The following POM121C variants were observed in gnomAD, a reference collection of about 807,000 sequenced individuals.
POM121C encodes the protein POM121 transmembrane nucleoporin C.
POM121C carries 20 observed loss-of-function variants against 66.4 expected under a neutral mutation model. The ratio of observed to expected loss-of-function variants is 0.30; its 90% CI spans 0.21 to 0.44. POM121C has a LOEUF of 0.44. POM121C is among the 20% of genes least tolerant of loss of function. The probability of loss-of-function intolerance (pLI) is 1.00; values close to 1 mark genes in which losing one functional copy is unlikely to be tolerated. For synonymous variants in POM121C, 286 were observed against 528.0 expected, an observed-to-expected ratio of 0.54 and a Z score of 6.28; for missense variants, 580 against 1,225.7, an observed-to-expected ratio of 0.47 and a Z score of 7.87.
intron 7 of POM121C, among the ~76,000 whole-genome samples, chr7:75,427,269 C>CA (rs1281307629): frequency 1.4e-5 from 2 of 146,288 alleles, no homozygotes; most frequent in African/African-American, 2.5e-5. Context: ...ACTAAAAATA[C>CA]AAAAAAATAC....
chr7:75,472,572 T>C (rs28545500), intron 3 of POM121C, among the ~76,000 whole-genome samples: 1 of 151,840 alleles, frequency 6.6e-6, no homozygotes, highest in Non-Finnish European at 1.5e-5. Context: ...TTTGAGAGGC[T>C]GAGGCAGGTG....
intron 1 of POM121C, among the ~76,000 whole-genome samples, chr7:75,479,617 AAATAAATAAAT>A (rs1792233922): frequency 4.1e-4 from 15 of 36,412 alleles, no homozygotes; most frequent in Non-Finnish European, 8.9e-4. Context: ...CTCTGTCTCT[AAATAAATAAAT>A]AAATAAATAA....
chr7:75,460,765 G>A (rs1554476898), intron 3 of POM121C, among the ~76,000 whole-genome samples: 1 of 152,124 alleles, frequency 6.6e-6, no homozygotes. Context: ...GAAGCAGCTG[G>A]CTGATGCCAG....
At chr7:75,434,375 A>G (rs1244898131) in intron 7 of POM121C, among the ~76,000 whole-genome samples, 15 of 151,048 alleles carry the variant, frequency 9.9e-5, no homozygotes, top group Non-Finnish European at 1.9e-4. Context: ...TCCAGGGTCG[A>G]GCAGTTCTCC....
intron 5 of POM121C, 123 bp from the exon 6 acceptor site, chr7:75,439,347 GA>G (rs1477160503): frequency 4.3e-5 from 58 of 1,362,938 alleles, no homozygotes; most frequent in Non-Finnish European, 5.7e-5. Flanking sequence ...TGCTAGACCA[GA>G]AAATGGTTGT....
At position 75,466,190 on chromosome 7, in the gene POM121C, AAATGCTTAGAG is replaced by A. The variant is rs587713501; in HGVS notation, c.-152+8503_-152+8513del. Among the ~76,000 whole-genome samples the A allele has an allele frequency of 2.7e-4, 40 of 146,028 alleles. No homozygotes were observed. In the South Asian group the frequency reaches 8.5e-3, roughly 31 times the overall value. On this transcript the variant is annotated intron_variant, in intron 3 of 14. Transcript: ENST00000615331. The stretch of plus-strand genomic sequence containing the variant: ...AAACTTTAGGTAAATTCATAGCCCT[AAATGCTTAGAG>A]AAGAAGCAATAAAAAAAAAAAAATC...
chr7:75,441,795 T>C, intron 3 of POM121C, 148 bp from the exon 4 acceptor site: 2 of 721,736 alleles, frequency 2.8e-6, no homozygotes, highest in Non-Finnish European at 4.5e-6. Flanking sequence ...TATGGCAACT[T>C]TCCCCTATTC....
intron 3 of POM121C, among the ~76,000 whole-genome samples, chr7:75,463,846 C>T (rs1335738678): frequency 2.6e-5 from 4 of 151,988 alleles, no homozygotes; most frequent in Non-Finnish European, 4.4e-5. Context: ...GGGCATGCTA[C>T]CATGTCTGAC....
intron 1 of POM121C, among the ~76,000 whole-genome samples, chr7:75,477,002 T>C (rs1554479454): frequency 6.6e-6 from 1 of 152,092 alleles, no homozygotes; most frequent in Non-Finnish European, 1.5e-5. Flanking sequence ...TTAACATCAA[T>C]ATTATATACA....
At chr7:75,455,052 T>C (rs1479816902) in intron 3 of POM121C, among the ~76,000 whole-genome samples, 2 of 152,208 alleles carry the variant, frequency 1.3e-5, no homozygotes, top group African/African-American at 4.8e-5. Context: ...TAATGTATGA[T>C]ATCAGACTAA....
intron 2 of POM121C, 50 bp downstream of exon 2, chr7:75,475,012 G>A: frequency 1.4e-6 from 2 of 1,460,006 alleles, no homozygotes. Context: ...TCAAACTCAA[G>A]CATAAAACCC....
chr7:75,429,586 G>C (rs1790088875), intron 7 of POM121C, among the ~76,000 whole-genome samples: 2 of 152,134 alleles, frequency 1.3e-5, no homozygotes, highest in Non-Finnish European at 2.9e-5. Flanking sequence ...AGCCGAGATT[G>C]TGCCACTGCA....
At chr7:75,450,919 T>C (rs1323313804) in intron 3 of POM121C, among the ~76,000 whole-genome samples, 11 of 152,110 alleles carry the variant, frequency 7.2e-5, no homozygotes, top group African/African-American at 2.7e-4. Flanking sequence ...AATCAGCCCT[T>C]AGGAAGCCCA....
At position 75,437,703 on chromosome 7, in the gene POM121C, C is replaced by T. The variant is rs376058880; in HGVS notation, c.309-17G>A. On this transcript the variant is annotated splice_polypyrimidine_tract_variant and intron_variant, in intron 6 of 14. Transcript: ENST00000615331. ...GACCCAGGCCTAATAAAAGAGAAGACAGTTAGATGCTTTATTGAAGGCAAC... is the reference window on the plus strand; with the variant it reads ...GACCCAGGCCTAATAAAAGAGAAGATAGTTAGATGCTTTATTGAAGGCAAC... 9.6e-6 allele frequency: 15 copies of T among 1,568,010 alleles called. No homozygotes were observed. Among genetic ancestry groups the T allele is most frequent in the Admixed American group, 1.9e-5 (1 of 52,950 alleles).
In POM121C at chr7:75,437,578, G is replaced by A; in HGVS notation, c.417C>T (p.Gly139=). The A allele has an allele frequency of 1.2e-6, 2 of 1,613,964 alleles. No individual in the cohort carries two copies. Among genetic ancestry groups the A allele is most frequent in the Non-Finnish European group, 8.5e-7 (1 of 1,179,852 alleles). The change falls in exon 7 of 15, where the codon GGC becomes GGT. Residue 139 remains glycine, a synonymous_variant. Coordinates refer to ENST00000615331, the MANE Select transcript of POM121C (RefSeq NM_001099415.3). ...MSSLTGAYTS[G]IPSSSRNAIT... ...TGGCATTGCGGCTGGAGCTAGGGAT[G>A]CCACTTGTGTAAGCGCCTGTCAAGG... is the stretch of plus-strand genomic sequence containing the variant.
At position 75,485,408 on chromosome 7, in the gene POM121C, ACCCAC is replaced by A. The variant is rs199749401; in HGVS notation, c.-458+451_-458+455del. Among the ~76,000 whole-genome samples, 261 of 152,136 alleles carry A rather than the reference ACCCAC, an allele frequency of 1.7e-3. 3 individuals carry two copies. In the East Asian group the frequency reaches 0.029, roughly 17 times the overall value. ...ACAAAGCCGGTGACCTGGTCAAGTC[ACCCAC>A]CTAAGGCCCAGTCTCTTCCCCTAGC... On this transcript the variant is annotated intron_variant, in intron 1 of 14. Transcript: ENST00000615331.
At chr7:75,460,718 C>T (rs587664200) in intron 3 of POM121C, among the ~76,000 whole-genome samples, 138 of 152,220 alleles carry the variant, frequency 9.1e-4, no homozygotes, top group Admixed American at 3.0e-3. Context: ...CATGTGCCAA[C>T]CAGCCAACAC....
At chr7:75,478,239 T>C (rs1370909673) in intron 1 of POM121C, among the ~76,000 whole-genome samples, 1 of 152,194 alleles carries the variant, frequency 6.6e-6, no homozygotes, top group Non-Finnish European at 1.5e-5. Context: ...GTTGCTGTGA[T>C]TACAGGTATG....
intron 3 of POM121C, among the ~76,000 whole-genome samples, chr7:75,446,386 TG>T (rs1423571881): frequency 1.2e-4 from 18 of 151,124 alleles, no homozygotes; most frequent in Non-Finnish European, 2.7e-4. Flanking sequence ...GGTTTCACCA[TG>T]TTGGACAGGC....
Sources: allele counts gnomAD v4.1 joint callset (sites outside exome capture counted in the v4.1 genomes callset), GRCh38; gene constraint gnomAD v4.1.1; transcripts MANE v1.5; gene names NCBI Gene and HGNC (gene_info 2026-07-23, HGNC 2026-07-21).